MYZAP: variants seen among roughly 807,000 people sequenced by gnomAD.
MYZAP encodes the protein GRINL1A complex locus upstream.
Under a neutral mutation model 69.4 loss-of-function variants are expected in MYZAP, and 66 were observed. The observed-to-expected ratio is 0.95, with a 90% CI of 0.78 to 1.17. The LOEUF (loss-of-function observed/expected upper bound fraction) is 1.17. Ranked by LOEUF, MYZAP falls within the 50% of genes most tolerant of loss-of-function variation. The pLI is 0.00. For missense variants in MYZAP, 611 were observed against 556.2 expected (o/e 1.10, Z -0.99); for synonymous variants, 256 against 205.9 (o/e 1.24, Z -2.09).
At chr15:57,682,517 A>G (rs1331987699) in intron 12 of MYZAP, among the ~76,000 whole-genome samples, 1 of 152,166 alleles carries the variant, frequency 6.6e-6, no homozygotes, top group Non-Finnish European at 1.5e-5. Context: ...CACCTCCTGA[A>G]GAGCAAGAAT....
intron 10 of MYZAP, chr15:57,647,243 A>G (rs1354328738): frequency 7.1e-6 from 7 of 985,310 alleles, no homozygotes; most frequent in South Asian, 9.4e-5. Flanking sequence ...TTTCCGCATT[A>G]GTTATTAACC....
intron 10 of MYZAP, chr15:57,648,275 A>C: frequency 1.0e-6 from 1 of 985,284 alleles, no homozygotes; most frequent in Non-Finnish European, 1.2e-6. Flanking sequence ...TCACAATATA[A>C]ATTGTCTTTT....
chr15:57,622,999 G>T (rs1354297915), intron 4 of MYZAP, among the ~76,000 whole-genome samples: 3 of 152,154 alleles, frequency 2.0e-5, no homozygotes, highest in Admixed American at 6.5e-5. Context: ...GAAGAAAAAA[G>T]CTACAACTCA....
chr15:57,648,567 TA>T (rs1366388418), intron 10 of MYZAP: 23 of 751,058 alleles, frequency 3.1e-5, no homozygotes, highest in Non-Finnish European at 3.7e-5. Context: ...CTTAGAGTCT[TA>T]AAAAATAAGT....
chr15:57,681,646 G>A (rs1010960700), intron 12 of MYZAP, among the ~76,000 whole-genome samples: 16 of 152,146 alleles, frequency 1.1e-4, no homozygotes, highest in African/African-American at 3.9e-4. Flanking sequence ...TAACCAGGTG[G>A]TCATGGCACG....
intron 8 of MYZAP, 82 bp downstream of exon 8, chr15:57,633,823 A>G (rs752135885): frequency 7.3e-5 from 98 of 1,340,516 alleles, no homozygotes; most frequent in Non-Finnish European, 9.5e-5. Flanking sequence ...GGCCCTGGAT[A>G]TGGATTCCTC....
intron 7 of MYZAP, among the ~76,000 whole-genome samples, chr15:57,633,330 T>C (rs1298302628): frequency 6.6e-6 from 1 of 152,192 alleles, no homozygotes; most frequent in African/African-American, 2.4e-5. Context: ...CTCAATGTTA[T>C]TAAACATTTG....
intron 11 of MYZAP, among the ~76,000 whole-genome samples, chr15:57,670,598 T>G (rs10152310): frequency 0.074 from 11,215 of 152,112 alleles, 538 homozygotes; most frequent in Middle Eastern, 0.16. Context: ...TTTATATGAT[T>G]GGATTTAGAG....
intron 8 of MYZAP, among the ~76,000 whole-genome samples, chr15:57,635,442 G>A (rs1240110060): frequency 6.6e-6 from 1 of 152,150 alleles, no homozygotes; most frequent in Non-Finnish European, 1.5e-5. Flanking sequence ...AAAGTTTCTT[G>A]TCTTTCCCCA....
chr15:57,618,262 T>C, intron 3 of MYZAP, 74 bp downstream of exon 3: 4 of 1,544,700 alleles, frequency 2.6e-6, no homozygotes, highest in Non-Finnish European at 3.5e-6. Flanking sequence ...GTTGGAAGCA[T>C]TGAAGTGAAT....
At chr15:57,668,020 G>C (rs541575004) in intron 11 of MYZAP, among the ~76,000 whole-genome samples, 2 of 152,186 alleles carry the variant, frequency 1.3e-5, no homozygotes, top group African/African-American at 4.8e-5. Context: ...GGAATCCACT[G>C]TATGATTTGC....
At chr15:57,643,144 T>G (rs543462031) in intron 10 of MYZAP, among the ~76,000 whole-genome samples, 19 of 152,274 alleles carry the variant, frequency 1.2e-4, no homozygotes, top group African/African-American at 4.3e-4. Flanking sequence ...CGTGTGCCTC[T>G]TATAGCCGGA....
At chr15:57,655,575 G>A (rs2037972138) in intron 10 of MYZAP, among the ~76,000 whole-genome samples, 1 of 151,940 alleles carries the variant, frequency 6.6e-6, no homozygotes, top group South Asian at 2.1e-4. Context: ...CACCTATGCA[G>A]GTAACTCGAT....
Position 57,668,334 on chromosome 15 carries a change from A to G in MYZAP, c.1204-6634A>G, listed in dbSNP as rs1340385809. ...GAATAGCTGGGTCGTAAAAGGAGGT[A>G]TAAGTTTAACTTTTTAAGAGACCGT... On this transcript the variant is annotated intron_variant, in intron 11 of 12. Coordinates refer to ENST00000267853, the MANE Select transcript of MYZAP (RefSeq NM_001018100.5). 2.0e-5 allele frequency among the ~76,000 whole-genome samples: 3 copies of G among 152,298 alleles called. No homozygotes were observed. The East Asian group carries it at 5.8e-4, about 29-fold the overall frequency.
intron 11 of MYZAP, among the ~76,000 whole-genome samples, chr15:57,662,666 G>A (rs1025095207): frequency 4.6e-5 from 7 of 152,162 alleles, no homozygotes; most frequent in African/African-American, 1.7e-4. Context: ...TATTAAAAGG[G>A]ACACCCTCTG....
At chr15:57,639,289 C>G (rs1380072366) in intron 9 of MYZAP, 151 bp from the exon 10 acceptor site, 1 of 758,974 alleles carries the variant, frequency 1.3e-6, no homozygotes, top group African/African-American at 1.7e-5. Flanking sequence ...TCAAGCAGTC[C>G]TCCTGCCTTG....
chr15:57,629,349 A>G (rs1379701122), intron 5 of MYZAP, among the ~76,000 whole-genome samples: 1 of 152,104 alleles, frequency 6.6e-6, no homozygotes, highest in Non-Finnish European at 1.5e-5. Context: ...TATACTTACT[A>G]TTTTCAAAAG....
chr15:57,647,901 C>T, intron 10 of MYZAP: 1 of 985,364 alleles, frequency 1.0e-6, no homozygotes, highest in Non-Finnish European at 1.2e-6. Flanking sequence ...ACTTATACTG[C>T]TTGTGAAACC....
chr15:57,624,258 T>C (rs2035992214), intron 4 of MYZAP, among the ~76,000 whole-genome samples: 1 of 152,182 alleles, frequency 6.6e-6, no homozygotes, highest in African/African-American at 2.4e-5. Context: ...AGAGTTAATA[T>C]CTGTGGGAAA....
Sources: gnomAD v4.1 joint callset for allele counts (sites outside exome capture counted in the v4.1 genomes callset) on GRCh38, gnomAD v4.1.1 for gene constraint, MANE v1.5 for transcripts, NCBI Gene and HGNC (gene_info 2026-07-23, HGNC 2026-07-21) for gene names.